The following STK33 variants were observed in gnomAD, a reference collection of about 807,000 sequenced individuals.
The protein encoded by STK33 is serine/threonine-protein kinase 33.
STK33 carries 52 observed loss-of-function variants against 58.0 expected under a neutral mutation model. That is an observed-to-expected ratio of 0.90 (90% confidence interval 0.72 to 1.13). The LOEUF is 1.13. STK33 is among the 50% of genes most tolerant of loss of function. The pLI is 0.00. For missense variants in STK33, 630 were observed against 604.2 expected (o/e 1.04, Z -0.45); for synonymous variants, 215 against 200.1 (o/e 1.07, Z -0.63).
intron 15 of STK33, among the ~76,000 whole-genome samples, chr11:8,399,324 C>A (rs546643411): frequency 6.6e-6 from 1 of 152,108 alleles, no homozygotes; most frequent in Non-Finnish European, 1.5e-5. Context: ...CACTCAAAAC[C>A]GCTCAACTAC....
In STK33 at chr11:8,440,711, T is replaced by C; in HGVS notation, c.914A>G (p.Asp305Gly). ...CATTACGACGCCTATGCTCCAAATG[T>C]CACACTGCTGGCTATAGTCGTGGGC... is the stretch of plus-strand genomic sequence containing the variant. ...ISAHDYSQQC[D>G]IWSIGVVMYM... Residue 305 changes from aspartate (D) to glycine (G), a missense_variant, in exon 12 of 16, where the codon GAC becomes GGC. Asp to Gly is a moderately conservative substitution (Grantham distance 94). Coordinates refer to ENST00000687296, the MANE Select transcript of STK33 (RefSeq NM_001352389.2). The C allele has an allele frequency of 6.4e-7, 1 of 1,571,444 alleles. No homozygotes were observed. The highest frequency in any genetic ancestry group is 1.8e-5 in the Admixed American group (1 of 54,388).
chr11:8,373,156 G>C, the STK33 span, among the ~76,000 whole-genome samples: 2 of 152,172 alleles, frequency 1.3e-5, no homozygotes, highest in Non-Finnish European at 2.9e-5. Flanking sequence ...GTCTCGGCTT[G>C]TTCTCACAGC....
intron 1 of STK33, among the ~76,000 whole-genome samples, chr11:8,504,460 T>C (rs536842296): frequency 2.6e-5 from 4 of 152,138 alleles, no homozygotes; most frequent in East Asian, 3.9e-4. Flanking sequence ...TTCAGGAATT[T>C]TGAGATATAG....
At chr11:8,406,450 GT>G in intron 15 of STK33, among the ~76,000 whole-genome samples, 1 of 152,170 alleles carries the variant, frequency 6.6e-6, no homozygotes, top group Non-Finnish European at 1.5e-5. Flanking sequence ...AAACATGTAA[GT>G]TAATTTGGGG....
intron 7 of STK33, 93 bp downstream of exon 7, chr11:8,464,616 G>A: frequency 1.2e-6 from 1 of 814,358 alleles, no homozygotes; most frequent in South Asian, 2.0e-5. Context: ...CTCAGGGTGA[G>A]AGGCAGCTTG....
chr11:8,343,952 C>T, the STK33 span, among the ~76,000 whole-genome samples: 1 of 152,164 alleles, frequency 6.6e-6, no homozygotes. Context: ...TCCACTCCTC[C>T]ACAGGAACTC....
At chr11:8,519,129 A>T (rs1382339262) in intron 1 of STK33, among the ~76,000 whole-genome samples, 3 of 152,226 alleles carry the variant, frequency 2.0e-5, no homozygotes, top group Admixed American at 6.5e-5. Flanking sequence ...AACAGAAATT[A>T]TAACAAACTG....
chr11:8,435,997 T>C, intron 13 of STK33, 30 bp downstream of exon 13: 1 of 1,311,970 alleles, frequency 7.6e-7, no homozygotes, highest in Non-Finnish European at 1.0e-6. Flanking sequence ...TTATATTAGC[T>C]TTAGTAAATA....
intron 1 of STK33, among the ~76,000 whole-genome samples, chr11:8,544,005 GA>G (rs1345138262): frequency 6.6e-6 from 1 of 151,988 alleles, no homozygotes; most frequent in African/African-American, 2.4e-5. Flanking sequence ...AATACTAAAT[GA>G]TTTTTTTCCA....
rs566832083 is a variant in STK33 at position 8,409,127 on chromosome 11, C to T, written c.1344+4368G>A. Among the ~76,000 whole-genome samples the T allele has an allele frequency of 2.0e-5, 3 of 152,328 alleles. No individual in the cohort carries two copies. The South Asian group carries it at 6.2e-4, about 32-fold the overall frequency. On this transcript the variant is annotated intron_variant, in intron 15 of 15. Coordinates refer to ENST00000687296, the MANE Select transcript of STK33 (RefSeq NM_001352389.2). ...GTCTTTTGAAGGATAGCAGTTGAGG[C>T]CACCTATTTAACTCTTTTCTGCACA...
At chr11:8,433,180 T>G (rs988170490) in intron 14 of STK33, among the ~76,000 whole-genome samples, 2 of 152,202 alleles carry the variant, frequency 1.3e-5, no homozygotes, top group Admixed American at 1.3e-4. Context: ...ACAGAATCCT[T>G]TGAGAGAGCA....
the STK33 span, among the ~76,000 whole-genome samples, chr11:8,358,500 C>T: frequency 6.6e-6 from 1 of 152,200 alleles, no homozygotes; most frequent in African/African-American, 2.4e-5. Flanking sequence ...GGGAAATGAG[C>T]GCTCAAGATG....
intron 15 of STK33, among the ~76,000 whole-genome samples, chr11:8,408,614 A>G (rs1939676504): frequency 1.3e-5 from 2 of 152,224 alleles, no homozygotes; most frequent in Non-Finnish European, 2.9e-5. Flanking sequence ...TTGTACCTGT[A>G]TTAGTCTGCT....
chr11:8,372,005 C>T, the STK33 span, among the ~76,000 whole-genome samples: 3 of 152,010 alleles, frequency 2.0e-5, no homozygotes, highest in Non-Finnish European at 2.9e-5. Flanking sequence ...CCTGCCTCAG[C>T]CTCCCGAGTT....
intron 11 of STK33, among the ~76,000 whole-genome samples, chr11:8,449,807 A>T (rs1008047612): frequency 1.3e-5 from 2 of 152,204 alleles, no homozygotes; most frequent in African/African-American, 2.4e-5. Flanking sequence ...AAAAAAGCTC[A>T]TCATCACTGG....
At chr11:8,459,232 T>C (rs1338950215) in intron 8 of STK33, among the ~76,000 whole-genome samples, 1 of 152,136 alleles carries the variant, frequency 6.6e-6, no homozygotes, top group African/African-American at 2.4e-5. Flanking sequence ...CAAGAAACCA[T>C]AGCATAGTCA....
At chr11:8,550,948 G>A (rs796797437) in intron 1 of STK33, among the ~76,000 whole-genome samples, 17 of 152,216 alleles carry the variant, frequency 1.1e-4, no homozygotes, top group African/African-American at 3.6e-4. Flanking sequence ...CAGTGTAAGT[G>A]TTCACACTGC....
chr11:8,414,703 T>G (rs980174348), intron 14 of STK33, among the ~76,000 whole-genome samples: 2 of 152,150 alleles, frequency 1.3e-5, no homozygotes, highest in Non-Finnish European at 2.9e-5. Flanking sequence ...ACGCAATTAA[T>G]TCTCTGTGAT....
At chr11:8,375,906 C>T in the STK33 span, among the ~76,000 whole-genome samples, 1 of 152,176 alleles carries the variant, frequency 6.6e-6, no homozygotes, top group African/African-American at 2.4e-5. Flanking sequence ...AAAAGAGTCT[C>T]TGGCAGTTCT....
Sources: gnomAD v4.1 joint callset for allele counts (sites outside exome capture counted in the v4.1 genomes callset) on GRCh38, gnomAD v4.1.1 for gene constraint, MANE v1.5 for transcripts, NCBI Gene and HGNC (gene_info 2026-07-23, HGNC 2026-07-21) for gene names.